The following ZNF777 variants were observed in gnomAD, a reference collection of about 807,000 sequenced individuals.
The protein encoded by ZNF777 is zinc finger protein 777.
In ZNF777, 7 loss-of-function variants were observed where a neutral mutation model predicts 72.1. That is an observed-to-expected ratio of 0.10 (90% CI 0.06 to 0.18). ZNF777 has a LOEUF of 0.18. Ranked by LOEUF, ZNF777 falls within the 10% of genes least tolerant of loss-of-function variation. ZNF777 has a pLI of 1.00. For missense variants in ZNF777, 828 were observed against 1,128.6 expected (o/e 0.73, Z 3.82); for synonymous variants, 545 against 483.5 (o/e 1.13, Z -1.67).
intron 4 of ZNF777, among the ~76,000 whole-genome samples, chr7:149,437,799 C>CTTTTTTTTTTTTTTTTTTTT (rs796721387): frequency 4.3e-5 from 5 of 115,650 alleles, no homozygotes; most frequent in South Asian, 3.0e-4. Flanking sequence ...ATGTTTGTTT[C>CTTTTTTTTTTTTTTTTTTTT]TTTTTCTTTT....
chr7:149,455,714 G>A lies in ZNF777; in HGVS notation c.309C>T (p.Thr103=), dbSNP rs1799814423. Residue 103 remains threonine (T), a synonymous_variant, in exon 2 of 6, where the codon ACC becomes ACT. Coordinates refer to ENST00000247930, the MANE Select transcript of ZNF777 (RefSeq NM_015694.3). This position sits in a 1 kb window ranked among gnomAD's most constrained non-coding sequence, Gnocchi z 4.2. ...LQGPLASQEG[T]QYPPPAAAEQ... The stretch of plus-strand genomic sequence containing the variant: ...CAGCAGCAGCTGGGGGTGGATACTG[G>A]GTCCCTTCCTGGGAAGCCAGGGGGC... The A allele has an allele frequency of 1.9e-6, 3 of 1,576,894 alleles. No individual in the cohort carries two copies. Among genetic ancestry groups the A allele is most frequent in the South Asian group, 2.3e-5 (2 of 85,522 alleles).
chr7:149,444,673 A>C (rs1415966936), intron 4 of ZNF777, among the ~76,000 whole-genome samples: 2 of 152,248 alleles, frequency 1.3e-5, no homozygotes, highest in East Asian at 3.8e-4. Flanking sequence ...TATAAGTTGG[A>C]AAATATTTTC....
At chr7:149,441,026 T>G (rs578175594) in intron 4 of ZNF777, among the ~76,000 whole-genome samples, 77 of 152,306 alleles carry the variant, frequency 5.1e-4, no homozygotes, top group Non-Finnish European at 8.7e-4. Flanking sequence ...TGGCACATAC[T>G]CTACTCTTCC....
At position 149,432,241 on chromosome 7, in the gene ZNF777, G is replaced by A; in HGVS notation, c.2031C>T (p.Ile677=). ...PECKKSFRLH[I]SLVIHQRVHA... is the part of the protein sequence containing the mutation. ...GCACGCGCTGATGGATCACCAAGCT[G>A]ATGTGCAGGCGGAAGCTCTTCTTGC... The change falls in exon 6 of 6, where the codon ATC becomes ATT. Residue 677 remains isoleucine, a synonymous_variant. Coordinates refer to ENST00000247930, the MANE Select transcript of ZNF777 (RefSeq NM_015694.3). 1.2e-6 allele frequency: 2 copies of A among 1,608,000 alleles called. No homozygotes were observed. Among genetic ancestry groups the A allele is most frequent in the Non-Finnish European group, 1.7e-6 (2 of 1,179,626 alleles).
rs1799306766 is a variant in ZNF777, at chr7:149,431,650, G to C, written c.*126C>G. 1.1e-6 allele frequency: 1 copy of C among 870,852 alleles called. No individual in the cohort carries two copies. Among genetic ancestry groups the C allele is most frequent in the Non-Finnish European group, 1.5e-6 (1 of 647,972 alleles). The allele number at this position is 870,852 out of a possible 1,614,324, so 53.9% of individuals were successfully genotyped here. On this transcript the variant is annotated 3_prime_UTR_variant, in exon 6 of 6. Coordinates refer to ENST00000247930, the MANE Select transcript of ZNF777 (RefSeq NM_015694.3). ...GTCCTTGGGAGGAGGGACGAGAGGA[G>C]AGGGGGAGCTCACGGCAAAGGGGCT...
chr7:149,440,662 G>GTTTT (rs1334016961), intron 4 of ZNF777, among the ~76,000 whole-genome samples: 1 of 124,578 alleles, frequency 8.0e-6, no homozygotes, highest in South Asian at 2.9e-4. Context: ...CCAGCAGCCT[G>GTTTT]TTGTTTTTTT....
At chr7:149,447,315 T>C (rs1799622125) in intron 4 of ZNF777, among the ~76,000 whole-genome samples, 1 of 152,224 alleles carries the variant, frequency 6.6e-6, no homozygotes, top group African/African-American at 2.4e-5. Context: ...CAGATGTCTC[T>C]AGCTCAGACC....
chr7:149,460,265 A>C lies in ZNF777; in HGVS notation c.-16+550T>G. 5.2e-6 allele frequency: 1 copy of C among 192,380 alleles called. No individual in the cohort carries two copies. Among genetic ancestry groups the C allele is most frequent in the Non-Finnish European group, 9.2e-6 (1 of 108,542 alleles). 11.9% of individuals were successfully genotyped at this position (192,380 alleles called of 1,614,324 possible). A position where few individuals can be genotyped will look rare whatever the true frequency, so the allele number is the denominator to read the frequency against. On this transcript the variant is annotated intron_variant, in intron 1 of 5. Coordinates refer to ENST00000247930, the MANE Select transcript of ZNF777 (RefSeq NM_015694.3). This position sits in a 1 kb window ranked among gnomAD's most constrained non-coding sequence, Gnocchi z 6.1. ...CGCTCTCCGCAGGCGGCGCCGGCCC[A>C]GCCCTGTCTTCCCCGCCGGGGCTCG... is the stretch of plus-strand genomic sequence containing the variant.
chr7:149,443,189 ATAC>A (rs909586237), intron 4 of ZNF777, among the ~76,000 whole-genome samples: 15 of 152,262 alleles, frequency 9.9e-5, no homozygotes, highest in Middle Eastern at 6.8e-3. Context: ...AATACACAGA[ATAC>A]TACTGTCAGC....
chr7:149,458,136 C>G (rs1799868454), intron 1 of ZNF777, among the ~76,000 whole-genome samples: 1 of 152,166 alleles, frequency 6.6e-6, no homozygotes, highest in South Asian at 2.1e-4. Context: ...AAGTTGGGGT[C>G]AGGGACCTCT....
chr7:149,455,792 C>G lies in ZNF777; in HGVS notation c.231G>C (p.Lys77Asn). Residue 77 changes from lysine (K) to asparagine (N), a missense_variant, in exon 2 of 6, where the codon AAG becomes AAC. Coordinates refer to ENST00000247930, the MANE Select transcript of ZNF777 (RefSeq NM_015694.3). The surrounding 1 kb of genome is among the most constrained non-coding windows in gnomAD (Gnocchi z 4.2). ...CGGCAGAACACAGGAGTGAGGGTCC[C>G]TTCTGGAGCACATGTGGCATCCGGC... ...TSGRMPHVLQ[K>N]GPSLLCSAAS... is the part of the protein sequence containing the mutation. 1 of 1,611,640 alleles carries G rather than the reference C, an allele frequency of 6.2e-7. No homozygotes were observed. Among genetic ancestry groups the G allele is most frequent in the Non-Finnish European group, 8.5e-7 (1 of 1,178,382 alleles).
chr7:149,443,076 A>C (rs1290773311), intron 4 of ZNF777, among the ~76,000 whole-genome samples: 1 of 152,210 alleles, frequency 6.6e-6, no homozygotes, highest in Non-Finnish European at 1.5e-5. Flanking sequence ...ATTCCAGACA[A>C]GTGCATGAAG....
At chr7:149,450,324 T>C (rs1380729107) in intron 4 of ZNF777, among the ~76,000 whole-genome samples, 1 of 152,192 alleles carries the variant, frequency 6.6e-6, no homozygotes, top group Non-Finnish European at 1.5e-5. Context: ...GGCTGGTGTA[T>C]ACTGAGCCAC....
intron 4 of ZNF777, 75 bp downstream of exon 4, chr7:149,450,924 G>T: frequency 1.5e-6 from 2 of 1,348,326 alleles, no homozygotes; most frequent in Non-Finnish European, 1.0e-6. Context: ...CTTGGATTGT[G>T]CTGCCTCATG....
Position 149,432,357 on chromosome 7 carries a change from G to T in ZNF777, c.1915C>A (p.Pro639Thr). ...TGGCTGAAGCTGCTGTCGCACTCGG[G>T]GCACTTGTAGGGCTTAGGGCCACCG... The part of the protein sequence containing the change: ...GGGGPKPYKC[P>T]ECDSSFSHKS... Residue 639 changes from proline to threonine, a missense_variant, in exon 6 of 6, where the codon CCC (proline) becomes ACC (threonine). Physicochemically the swap from Pro to Thr is conservative, Grantham distance 38. Transcript: ENST00000247930. The T allele has an allele frequency of 6.2e-7, 1 of 1,612,430 alleles. No homozygotes were observed. The highest frequency in any genetic ancestry group is 8.5e-7 in the Non-Finnish European group (1 of 1,179,866).
intron 4 of ZNF777, among the ~76,000 whole-genome samples, chr7:149,437,076 A>AC (rs894019333): frequency 2.0e-5 from 3 of 151,464 alleles, no homozygotes; most frequent in Non-Finnish European, 2.9e-5. Flanking sequence ...CTCCATAATT[A>AC]AAAAAAAATA....
At chr7:149,458,137 A>T (rs978223286) in intron 1 of ZNF777, among the ~76,000 whole-genome samples, 2 of 152,222 alleles carry the variant, frequency 1.3e-5, no homozygotes, top group Non-Finnish European at 2.9e-5. Context: ...AGTTGGGGTC[A>T]GGGACCTCTT....
In ZNF777 at chr7:149,455,728, A is replaced by C. The variant is rs1327296922; in HGVS notation, c.295T>G (p.Ser99Ala). ...QETSLQGPLA[S>A]QEGTQYPPPA... ...GGTGGATACTGGGTCCCTTCCTGGG[A>C]AGCCAGGGGGCCCTGGAGAGAAGTC... is the stretch of plus-strand genomic sequence containing the variant. Residue 99 changes from serine to alanine, a missense_variant, in exon 2 of 6, where the codon TCC becomes GCC. By Grantham distance (99) the Ser-to-Ala change is moderately conservative. This residue lies in a region of ZNF777 where 222 missense variants were observed against 211.2 expected (regional missense o/e 1.05). Coordinates refer to ENST00000247930, the MANE Select transcript of ZNF777 (RefSeq NM_015694.3). The surrounding 1 kb of genome is among the most constrained non-coding windows in gnomAD (Gnocchi z 4.2). 4 of 1,580,156 alleles carry C rather than the reference A, an allele frequency of 2.5e-6. No individual in the cohort carries two copies. The African/African-American group carries it at 5.4e-5, about 21-fold the overall frequency.
intron 4 of ZNF777, among the ~76,000 whole-genome samples, chr7:149,450,307 C>T (rs541839698): frequency 1.8e-4 from 27 of 152,176 alleles, no homozygotes; most frequent in Non-Finnish European, 3.1e-4. Context: ...CCAGGCACAC[C>T]AACAGCGGCT....
Sources: allele counts gnomAD v4.1 joint callset (sites outside exome capture counted in the v4.1 genomes callset), GRCh38; gene constraint gnomAD v4.1.1; regional missense constraint gnomAD v4.1.1; non-coding constraint Gnocchi (gnomAD v3.1); transcripts MANE v1.5; gene names NCBI Gene and HGNC (gene_info 2026-07-23, HGNC 2026-07-21).